The following CUEDC1 variants were observed in gnomAD, a reference collection of about 807,000 sequenced individuals.
CUEDC1 encodes CUE domain-containing protein 1.
A neutral mutation model predicts 43.7 loss-of-function variants in CUEDC1; 30 were observed. That is an observed-to-expected ratio of 0.69 (90% CI 0.51 to 0.93). The LOEUF (loss-of-function observed/expected upper bound fraction) is 0.93, where lower values mean the gene tolerates loss of function less well. CUEDC1 is among the 40% of genes least tolerant of loss of function. The pLI, the probability that CUEDC1 is intolerant of heterozygous loss-of-function variation, is 0.00. For synonymous variants in CUEDC1, 223 were observed against 223.6 expected, an observed-to-expected ratio of 1.00 and a Z score of 0.02; for missense variants, 486 against 549.0, an observed-to-expected ratio of 0.89 and a Z score of 1.15.
chr17:57,909,936 G>C (rs1377302667), intron 1 of CUEDC1, among the ~76,000 whole-genome samples: 1 of 152,212 alleles, frequency 6.6e-6, no homozygotes, highest in South Asian at 2.1e-4. Flanking sequence ...GGAAATAACC[G>C]AAAGAGGTTC....
At chr17:57,897,548 T>C (rs563289796) in intron 1 of CUEDC1, among the ~76,000 whole-genome samples, 20 of 150,836 alleles carry the variant, frequency 1.3e-4, no homozygotes, top group Admixed American at 4.0e-4. Flanking sequence ...CAGGCACCTG[T>C]AGTCCCAGCT....
chr17:57,949,442 C>G (rs963726695), intron 1 of CUEDC1, among the ~76,000 whole-genome samples: 1 of 152,012 alleles, frequency 6.6e-6, no homozygotes. Flanking sequence ...CAGGCATGTT[C>G]CAACGATGCC....
chr17:57,942,181 G>A (rs749230888), intron 1 of CUEDC1, among the ~76,000 whole-genome samples: 12 of 152,062 alleles, frequency 7.9e-5, no homozygotes, highest in African/African-American at 1.9e-4. Context: ...AGAAGGGCCC[G>A]GCAGCTGGGA....
At chr17:57,941,298 A>C (rs2074915221) in intron 1 of CUEDC1, among the ~76,000 whole-genome samples, 1 of 152,218 alleles carries the variant, frequency 6.6e-6, no homozygotes, top group African/African-American at 2.4e-5. Flanking sequence ...AGGACTGAGC[A>C]GAGAAGTCAT....
chr17:57,906,028 GA>G (rs1264557919), intron 1 of CUEDC1, among the ~76,000 whole-genome samples: 2 of 152,210 alleles, frequency 1.3e-5, no homozygotes, highest in Non-Finnish European at 2.9e-5. Flanking sequence ...GAAACACAGT[GA>G]AAAACCACAG....
chr17:57,894,587 C>T (rs937315066), intron 1 of CUEDC1, among the ~76,000 whole-genome samples: 2 of 152,064 alleles, frequency 1.3e-5, no homozygotes, highest in Admixed American at 6.5e-5. Context: ...ACTTGAATCA[C>T]TTGAACCAGG....
At chr17:57,869,754 T>C (rs1420336686) in intron 6 of CUEDC1, 1 of 156,624 alleles carries the variant, frequency 6.4e-6, no homozygotes, top group Non-Finnish European at 1.4e-5. Flanking sequence ...TGAGTAGGAA[T>C]AGAATGGGAC....
chr17:57,907,086 C>G (rs1282506303), intron 1 of CUEDC1, among the ~76,000 whole-genome samples: 1 of 151,948 alleles, frequency 6.6e-6, no homozygotes, highest in African/African-American at 2.4e-5. Flanking sequence ...CTGGCCTGCA[C>G]AGAGGGGCTC....
At chr17:57,923,420 A>G (rs2074716170) in intron 1 of CUEDC1, among the ~76,000 whole-genome samples, 1 of 152,220 alleles carries the variant, frequency 6.6e-6, no homozygotes, top group South Asian at 2.1e-4. Flanking sequence ...GTGGCCACAA[A>G]GATGCACTAG....
intron 1 of CUEDC1, among the ~76,000 whole-genome samples, chr17:57,909,079 C>A (rs1263398981): frequency 1.3e-5 from 2 of 151,910 alleles, no homozygotes; most frequent in Non-Finnish European, 2.9e-5. Context: ...AATAAGGTAG[C>A]CACTGGTCAT....
intron 3 of CUEDC1, among the ~76,000 whole-genome samples, chr17:57,874,969 G>C (rs992940158): frequency 3.4e-4 from 51 of 152,164 alleles, no homozygotes; most frequent in Non-Finnish European, 4.1e-4. Context: ...ACCCCAGCAC[G>C]CCTCGTCCAC....
rs11653394 is a variant in CUEDC1, at chr17:57,926,563, T to G, written c.-316+28662A>C. On this transcript the variant is annotated intron_variant, in intron 1 of 10. Transcript: ENST00000577830. Reference sequence around the variant, plus strand: ...ATGCCAGCAATTTGGGAGGCTGAGGTGAGTGGATCACTTGAGGCCAAGAGT... The same window carrying G: ...ATGCCAGCAATTTGGGAGGCTGAGGGGAGTGGATCACTTGAGGCCAAGAGT... 1.4e-3 allele frequency among the ~76,000 whole-genome samples: 210 copies of G among 152,124 alleles called. 1 individual carries two copies. The highest frequency in any genetic ancestry group is 2.6e-4 in the Non-Finnish European group (18 of 67,994).
At chr17:57,901,071 C>T (rs2074466580) in intron 1 of CUEDC1, among the ~76,000 whole-genome samples, 1 of 152,218 alleles carries the variant, frequency 6.6e-6, no homozygotes, top group Non-Finnish European at 1.5e-5. Context: ...CATTCTGATA[C>T]ACAGTAAATT....
intron 1 of CUEDC1, among the ~76,000 whole-genome samples, chr17:57,889,839 G>A (rs1020011520): frequency 2.0e-5 from 3 of 152,176 alleles, no homozygotes; most frequent in Non-Finnish European, 4.4e-5. Flanking sequence ...CCAATTCTCA[G>A]AGCACTGTCC....
intron 1 of CUEDC1, among the ~76,000 whole-genome samples, chr17:57,927,480 CCTCTGGGTTGGG>C (rs2074759714): frequency 1.3e-5 from 2 of 152,166 alleles, no homozygotes; most frequent in African/African-American, 4.8e-5. Flanking sequence ...CTGCCCACAC[CCTCTGGGTTGGG>C]GCATCCAGTT....
At chr17:57,885,091 A>C (rs2074268014) in intron 2 of CUEDC1, 138 bp downstream of exon 2, 1 of 1,420,778 alleles carries the variant, frequency 7.0e-7, no homozygotes, top group East Asian at 2.6e-5. Context: ...CTGCTTGCTA[A>C]TTAGAACCCA....
chr17:57,897,654 G>GAAA (rs58748550), intron 1 of CUEDC1, among the ~76,000 whole-genome samples: 4 of 109,602 alleles, frequency 3.6e-5, no homozygotes, highest in East Asian at 3.5e-4. Flanking sequence ...TGGTCTCAAT[G>GAAA]AAAAAAAAAA....
In CUEDC1 at chr17:57,862,086, T is replaced by G. The variant is rs1486941169; in HGVS notation, c.*1203A>C. 1.3e-5 allele frequency: 2 copies of G among 152,100 alleles called. No homozygotes were observed. Among genetic ancestry groups the G allele is most frequent in the East Asian group, 3.9e-4 (2 of 5,168 alleles). The allele number at this position is 152,100 out of a possible 1,614,324, so 9.4% of individuals were successfully genotyped here. A position where few individuals can be genotyped will look rare whatever the true frequency, so the allele number is the denominator to read the frequency against. Reference sequence around the variant, plus strand: ...GGCCCGGCCAAGGATCGGATGCCACTCCCAACCTCCCAGAGCCGCGCCGAA... The same window carrying G: ...GGCCCGGCCAAGGATCGGATGCCACGCCCAACCTCCCAGAGCCGCGCCGAA... On this transcript the variant is annotated 3_prime_UTR_variant, in exon 11 of 11. Coordinates refer to ENST00000577830, the MANE Select transcript of CUEDC1 (RefSeq NM_001271875.2).
chr17:57,914,668 G>A (rs1045893557), intron 1 of CUEDC1, among the ~76,000 whole-genome samples: 1 of 152,172 alleles, frequency 6.6e-6, no homozygotes, highest in African/African-American at 2.4e-5. Context: ...CCCATGTCCA[G>A]ACTCCCAGGG....
Sources: allele counts gnomAD v4.1 joint callset (sites outside exome capture counted in the v4.1 genomes callset), GRCh38; gene constraint gnomAD v4.1.1; transcripts MANE v1.5; gene names NCBI Gene and HGNC (gene_info 2026-07-23, HGNC 2026-07-21).